The following BCAN variants were observed in gnomAD, a reference collection of about 807,000 sequenced individuals.
The protein encoded by BCAN is brevican core protein.
In BCAN, 51 loss-of-function variants were observed where a neutral mutation model predicts 92.4. That is an observed-to-expected ratio of 0.55 (90% CI 0.44 to 0.70). The LOEUF is 0.70. BCAN is among the 30% of genes least tolerant of loss of function. BCAN has a pLI of 0.00. For missense variants in BCAN, 1,140 were observed against 1,212.1 expected (o/e 0.94, Z 0.88); for synonymous variants, 501 against 505.2 (o/e 0.99, Z 0.11).
chr1:156,646,049 T>C lies in BCAN; in HGVS notation c.-6T>C. On this transcript the variant is annotated splice_region_variant and 5_prime_UTR_variant, in exon 2 of 14. Transcript: ENST00000329117. ...TCCTTCTCATGTCCCTCTGTCAGCC[T>C]GCAGCATGGCCCAGCTGTTCCTGCC... 2 of 1,610,784 alleles carry C rather than the reference T, an allele frequency of 1.2e-6. No homozygotes were observed. Among genetic ancestry groups the C allele is most frequent in the Non-Finnish European group, 1.7e-6 (2 of 1,177,320 alleles).
chr1:156,651,342 G>T (rs1679156011), intron 6 of BCAN, 114 bp from the exon 7 acceptor site: 1 of 988,064 alleles, frequency 1.0e-6, no homozygotes, highest in Non-Finnish European at 1.5e-6. Context: ...GGCCCCAGTA[G>T]GTGCTCCACA....
At position 156,652,634 on chromosome 1, in the gene BCAN, G is replaced by A. The variant is rs763433784; in HGVS notation, c.1684G>A (p.Ala562Thr). ...CCCATCACCTTCCACTCTGGTTGAG[G>A]CAAGAGAGGTGGGGGAGGCAACTGG... ...ASPSPSTLVE[A>T]REVGEATGGP... Residue 562 changes from alanine (A) to threonine (T), a missense_variant, in exon 8 of 14, where the codon GCA (alanine) becomes ACA (threonine). Physicochemically the swap from Ala to Thr is moderately conservative, Grantham distance 58. Around this residue, in one of 3 missense-constraint regions of BCAN, gnomAD observed 825 missense variants for 871.8 expected, o/e 0.95. Coordinates refer to ENST00000329117, the MANE Select transcript of BCAN (RefSeq NM_021948.5). The A allele has an allele frequency of 1.2e-6, 2 of 1,613,932 alleles. No individual in the cohort carries two copies. The highest frequency in any genetic ancestry group is 1.6e-4 in the Middle Eastern group (1 of 6,062).
Position 156,659,261 on chromosome 1 carries a change from C to T in BCAN, c.*127C>T. On this transcript the variant is annotated 3_prime_UTR_variant, in exon 14 of 14. Transcript: ENST00000329117. ...AGGGGTGGTACTGGAGTCCAGGTGA[C>T]AGTTCCTGAAGGGGCTTCTGGGAAA... 1.4e-6 allele frequency: 1 copy of T among 726,594 alleles called. No individual in the cohort carries two copies. The highest frequency in any genetic ancestry group is 2.2e-6 in the Non-Finnish European group (1 of 460,638). The allele number at this position is 726,594 out of a possible 1,614,324, so 45.0% of individuals were successfully genotyped here.
chr1:156,648,461 T>C, intron 5 of BCAN, 107 bp from the exon 6 acceptor site: 1 of 1,229,696 alleles, frequency 8.1e-7, no homozygotes, highest in Non-Finnish European at 1.1e-6. Flanking sequence ...GTTGACTCCC[T>C]GCCACAGATG....
In BCAN at chr1:156,652,294, G is replaced by C; in HGVS notation, c.1344G>C (p.Glu448Asp). The part of the protein sequence containing the change: ...SMVPPTGFSE[E>D]EGKALEEEEK... ...TACCGCCCACGGGGTTCTCAGAAGAGGAAGGTAAGGCATTGGAGGAAGAAG... is the reference window on the plus strand; with the variant it reads ...TACCGCCCACGGGGTTCTCAGAAGACGAAGGTAAGGCATTGGAGGAAGAAG... The change falls in exon 8 of 14, where the codon GAG becomes GAC. Residue 448 changes from glutamate to aspartate, a missense_variant. Physicochemically the swap from Glu to Asp is conservative, Grantham distance 45. Coordinates refer to ENST00000329117, the MANE Select transcript of BCAN (RefSeq NM_021948.5). The C allele has an allele frequency of 1.2e-6, 2 of 1,611,522 alleles. No individual in the cohort carries two copies. The highest frequency in any genetic ancestry group is 1.7e-6 in the Non-Finnish European group (2 of 1,178,854).
chr1:156,646,742 C>A, intron 2 of BCAN, 59 bp from the exon 3 acceptor site: 4 of 1,503,510 alleles, frequency 2.7e-6, no homozygotes, highest in Non-Finnish European at 2.7e-6. Context: ...TTGGAGGCCA[C>A]CGGGTGGGAC....
rs1679165605 is a variant in BCAN at position 156,651,554 on chromosome 1, G to A, written c.1162G>A (p.Glu388Lys). 1 of 1,613,958 alleles carries A rather than the reference G, an allele frequency of 6.2e-7. No homozygotes were observed. The highest frequency in any genetic ancestry group is 1.3e-5 in the African/African-American group (1 of 75,026). The change falls in exon 7 of 14, where the codon GAG (glutamate) becomes AAG (lysine). Residue 388 changes from glutamate (E) to lysine (K), a missense_variant. By Grantham distance (56) the Glu-to-Lys change is moderately conservative. This residue lies in a region of BCAN where 825 missense variants were observed against 871.8 expected (regional missense o/e 0.95). Transcript: ENST00000329117. ...TATCGTCACAGTGACAGAGACCCTGGAGGAACTGCAGCTGCCTCAGGAAGC... is the reference window on the plus strand; with the variant it reads ...TATCGTCACAGTGACAGAGACCCTGAAGGAACTGCAGCTGCCTCAGGAAGC... ...EAIVTVTETL[E>K]ELQLPQEATE...
Position 156,647,670 on chromosome 1 carries a change from A to G in BCAN, c.629A>G (p.Asp210Gly), listed in dbSNP as rs1571440298. 6.3e-7 allele frequency: 1 copy of G among 1,593,902 alleles called. No homozygotes were observed. Among genetic ancestry groups the G allele is most frequent in the African/African-American group, 1.3e-5 (1 of 74,318 alleles). Reference protein sequence around the residue: ...YEQCDAGWLSDQTVRYPIQTP... With the variant: ...YEQCDAGWLSGQTVRYPIQTP... ...CAATGTGATGCTGGCTGGCTGTCGG[A>G]TCAGACCGTGAGGTGGGCAGGGGCT... The change falls in exon 4 of 14, where the codon GAT (aspartate) becomes GGT (glycine). Residue 210 changes from aspartate (D) to glycine (G), a missense_variant. This residue lies in a region of BCAN where 29 missense variants were observed against 56.2 expected (regional missense o/e 0.52). Transcript: ENST00000329117. This position sits in a 1 kb window ranked among gnomAD's most constrained non-coding sequence, Gnocchi z 4.8.
At position 156,658,043 on chromosome 1, in the gene BCAN, A is replaced by T; in HGVS notation, c.2293-84A>T. ...CCTTCCCTCTCCTGGGGCCCCGCTCACCAGCCCTCCTCCCCAGATCCTCTA... is the reference window on the plus strand; with the variant it reads ...CCTTCCCTCTCCTGGGGCCCCGCTCTCCAGCCCTCCTCCCCAGATCCTCTA... On this transcript the variant is annotated intron_variant, in intron 11 of 13. Transcript: ENST00000329117. This position sits in a 1 kb window ranked among gnomAD's most constrained non-coding sequence, Gnocchi z 4.4. The T allele has an allele frequency of 2.0e-6, 3 of 1,512,966 alleles. No individual in the cohort carries two copies. The highest frequency in any genetic ancestry group is 2.7e-6 in the Non-Finnish European group (3 of 1,112,322). The allele number at this position is 1,512,966 out of a possible 1,614,324, so 93.7% of individuals were successfully genotyped here.
At chr1:156,648,944 G>T in intron 6 of BCAN, 83 bp downstream of exon 6, 1 of 1,428,780 alleles carries the variant, frequency 7.0e-7, no homozygotes, top group Non-Finnish European at 9.3e-7. Flanking sequence ...AGTCTGATCA[G>T]TTTAGCTCAG....
At position 156,647,204 on chromosome 1, in the gene BCAN, G is replaced by A. The variant is rs749566726; in HGVS notation, c.466+29G>A. ...AGAGGGCAGGGAGGTTCCAGAGGGA[G>A]GGAGGGAGGGAGGGAAGGGAGGACT... On this transcript the variant is annotated intron_variant, in intron 3 of 13. Coordinates refer to ENST00000329117, the MANE Select transcript of BCAN (RefSeq NM_021948.5). This position sits in a 1 kb window ranked among gnomAD's most constrained non-coding sequence, Gnocchi z 4.8. 5.4e-6 allele frequency: 8 copies of A among 1,472,094 alleles called. No homozygotes were observed. Among genetic ancestry groups the A allele is most frequent in the African/African-American group, 2.8e-5 (2 of 70,482 alleles). The allele number at this position is 1,472,094 out of a possible 1,614,324, so 91.2% of individuals were successfully genotyped here.
At position 156,647,761 on chromosome 1, in the gene BCAN, TG is replaced by T; in HGVS notation, c.641+80del. On this transcript the variant is annotated intron_variant, in intron 4 of 13. Coordinates refer to ENST00000329117, the MANE Select transcript of BCAN (RefSeq NM_021948.5). This position sits in a 1 kb window ranked among gnomAD's most constrained non-coding sequence, Gnocchi z 4.8. ...CCCCCTTCTGCTGGGTGCTGCCTGCTGTGTCAGGCTGGACATGCAGGGCTTT... is the reference window on the plus strand; with the variant it reads ...CCCCCTTCTGCTGGGTGCTGCCTGCTTGTCAGGCTGGACATGCAGGGCTTT... 6.4e-7 allele frequency: 1 copy of T among 1,552,276 alleles called. No homozygotes were observed. Among genetic ancestry groups the T allele is most frequent in the Non-Finnish European group, 8.8e-7 (1 of 1,139,628 alleles).
In BCAN at chr1:156,657,659, G is replaced by A; in HGVS notation, c.2210-16G>A. On this transcript the variant is annotated splice_polypyrimidine_tract_variant and intron_variant, in intron 10 of 13. Transcript: ENST00000329117. ...CTGCTGGCGGCTGCGCTCACTGCAC[G>A]CCTTCGTCTCCCTAGACCGGTACCG... The A allele has an allele frequency of 6.3e-7, 1 of 1,598,428 alleles. No homozygotes were observed. The highest frequency in any genetic ancestry group is 1.1e-5 in the South Asian group (1 of 89,524).
intron 8 of BCAN, among the ~76,000 whole-genome samples, chr1:156,655,559 G>T (rs930565691): frequency 9.9e-5 from 15 of 152,188 alleles, no homozygotes; most frequent in Non-Finnish European, 7.3e-5. Context: ...AGTCAGCACT[G>T]CAGGACAATG....
Position 156,651,675 on chromosome 1 carries a change from C to T in BCAN, c.1283C>T (p.Pro428Leu). Residue 428 changes from proline to leucine, a missense_variant, in exon 7 of 14, where the codon CCT (proline) becomes CTT (leucine). Physicochemically the swap from Pro to Leu is moderately conservative, Grantham distance 98. This residue lies in a region of BCAN where 825 missense variants were observed against 871.8 expected (regional missense o/e 0.95). Transcript: ENST00000329117. The part of the protein sequence containing the change: ...SSTPEDPAEA[P>L]RTLLEFETQS... ...ACTCCAGAAGACCCAGCAGAGGCCC[C>T]TAGGACGCTCCTAGGTAAGTCGGAT... 6.2e-7 allele frequency: 1 copy of T among 1,611,386 alleles called. No homozygotes were observed. Among genetic ancestry groups the T allele is most frequent in the South Asian group, 1.1e-5 (1 of 90,854 alleles).
Position 156,647,084 on chromosome 1 carries a change from C to A in BCAN, c.375C>A (p.Ser125Arg). 6.2e-7 allele frequency: 1 copy of A among 1,608,866 alleles called. No homozygotes were observed. The highest frequency in any genetic ancestry group is 2.2e-5 in the East Asian group (1 of 44,682). ...TCACCGACGTCTCCCTGGCGCTGAG[C>A]GAGCTGCGCCCCAACGACTCAGGTA... ...ASLTDVSLALSELRPNDSGIY... is the reference protein window; with the variant it reads ...ASLTDVSLALRELRPNDSGIY... The change falls in exon 3 of 14, where the codon AGC (serine) becomes AGA (arginine). Residue 125 changes from serine to arginine, a missense_variant. Around this residue, in one of 3 missense-constraint regions of BCAN, gnomAD observed 286 missense variants for 284.1 expected, o/e 1.01. Coordinates refer to ENST00000329117, the MANE Select transcript of BCAN (RefSeq NM_021948.5). The surrounding 1 kb of genome is among the most constrained non-coding windows in gnomAD (Gnocchi z 4.8).
intron 6 of BCAN, 66 bp downstream of exon 6, chr1:156,648,927 C>T (rs533445811): frequency 2.5e-5 from 37 of 1,479,396 alleles, no homozygotes; most frequent in Middle Eastern, 3.6e-4. Flanking sequence ...CCTAAAAGTC[C>T]TACCCCAGTC....
chr1:156,651,934 C>A (rs970297315), intron 7 of BCAN, among the ~76,000 whole-genome samples: 1 of 152,210 alleles, frequency 6.6e-6, no homozygotes, highest in Non-Finnish European at 1.5e-5. Flanking sequence ...AAAGGTGGAA[C>A]CTGCCTTCTT....
chr1:156,648,544 C>A (rs781618034), intron 5 of BCAN, 24 bp from the exon 6 acceptor site: 3 of 1,558,038 alleles, frequency 1.9e-6, no homozygotes, highest in Non-Finnish European at 2.6e-6. Context: ...TGCCTGATAA[C>A]CCAGCCTTCT....
Sources: allele counts gnomAD v4.1 joint callset (sites outside exome capture counted in the v4.1 genomes callset), GRCh38; gene constraint gnomAD v4.1.1; regional missense constraint gnomAD v4.1.1; non-coding constraint Gnocchi (gnomAD v3.1); transcripts MANE v1.5; gene names NCBI Gene and HGNC (gene_info 2026-07-23, HGNC 2026-07-21).